Variants in TENM3 observed in about 807,000 individuals in gnomAD.
TENM3 encodes teneurin-3.
Under a neutral mutation model 255.1 loss-of-function variants are expected in TENM3, and 63 were observed. That is an observed-to-expected ratio of 0.25 (90% confidence interval 0.20 to 0.30). The LOEUF (loss-of-function observed/expected upper bound fraction) is 0.30, where lower values mean the gene tolerates loss of function less well. TENM3 is among the 10% of genes least tolerant of loss of function. TENM3 has a pLI of 1.00. For missense variants in TENM3, 2,929 were observed against 3,461.1 expected, an observed-to-expected ratio of 0.85 and a Z score of 3.86; for synonymous variants, 1,306 against 1,322.3, an observed-to-expected ratio of 0.99 and a Z score of 0.27.
chr4:182,742,719 C>G (rs1275627506), intron 18 of TENM3, among the ~76,000 whole-genome samples: 1 of 152,154 alleles, frequency 6.6e-6, no homozygotes, highest in Non-Finnish European at 1.5e-5. Context: ...GTTCTCAAAC[C>G]TGGTTGCACG....
intron 1 of TENM3, among the ~76,000 whole-genome samples, chr4:182,148,676 T>C (rs1473537360): frequency 6.6e-6 from 1 of 152,098 alleles, no homozygotes; most frequent in Non-Finnish European, 1.5e-5. Context: ...TTTCATAAGA[T>C]GGTGTAATCC....
intron 3 of TENM3, among the ~76,000 whole-genome samples, chr4:182,502,801 T>C (rs371407585): frequency 2.7e-4 from 41 of 152,162 alleles, no homozygotes; most frequent in African/African-American, 9.4e-4. Flanking sequence ...CCTTGGTTAT[T>C]CATGTGTATT....
chr4:182,693,181 T>G (rs892142646), intron 12 of TENM3, among the ~76,000 whole-genome samples: 1 of 152,230 alleles, frequency 6.6e-6, no homozygotes, highest in African/African-American at 2.4e-5. Flanking sequence ...ATGTGTCCAG[T>G]AAGCAATTAT....
intron 26 of TENM3, among the ~76,000 whole-genome samples, chr4:182,794,908 C>T (rs1005684944): frequency 6.6e-6 from 1 of 152,128 alleles, no homozygotes; most frequent in Non-Finnish European, 1.5e-5. Context: ...AACCCCTCTA[C>T]CACATTTATA....
At chr4:181,780,929 C>G in the TENM3 span, among the ~76,000 whole-genome samples, 2 of 152,058 alleles carry the variant, frequency 1.3e-5, no homozygotes, top group Admixed American at 6.6e-5. Context: ...ATCAGATGGT[C>G]ATAGGTGTGT....
the TENM3 span, among the ~76,000 whole-genome samples, chr4:181,722,912 G>T: frequency 1.3e-5 from 2 of 152,054 alleles, no homozygotes; most frequent in African/African-American, 4.8e-5. Context: ...GTGTGTAGGG[G>T]TCTAGAAGGA....
the TENM3 span, among the ~76,000 whole-genome samples, chr4:181,505,639 C>T: frequency 6.6e-6 from 1 of 152,000 alleles, no homozygotes; most frequent in Non-Finnish European, 1.5e-5. Context: ...GGCTGTGTGA[C>T]CAAGATGTTT....
chr4:181,460,943 T>C, the TENM3 span, among the ~76,000 whole-genome samples: 1 of 151,976 alleles, frequency 6.6e-6, no homozygotes, highest in Admixed American at 6.6e-5. Flanking sequence ...TTATTTTCTA[T>C]TTATTACATA....
At chr4:181,850,389 T>A in the TENM3 span, among the ~76,000 whole-genome samples, 2 of 152,132 alleles carry the variant, frequency 1.3e-5, no homozygotes, top group Non-Finnish European at 2.9e-5. Flanking sequence ...ATCAAATTTG[T>A]CTAGAAATAA....
chr4:182,302,051 C>T (rs1021841027), intron 1 of TENM3, among the ~76,000 whole-genome samples: 1 of 152,164 alleles, frequency 6.6e-6, no homozygotes, highest in Non-Finnish European at 1.5e-5. Flanking sequence ...GTTTTATCAA[C>T]CCTGCTAGCC....
the TENM3 span, among the ~76,000 whole-genome samples, chr4:181,732,888 G>A: frequency 6.6e-6 from 1 of 152,248 alleles, no homozygotes; most frequent in South Asian, 2.1e-4. Context: ...CTATTGTATA[G>A]ACGTTAATTT....
chr4:181,705,414 G>T, the TENM3 span, among the ~76,000 whole-genome samples: 1 of 152,292 alleles, frequency 6.6e-6, no homozygotes, highest in African/African-American at 2.4e-5. Flanking sequence ...GAAAGAGAAA[G>T]CTTTGGAGTC....
intron 1 of TENM3, among the ~76,000 whole-genome samples, chr4:182,255,418 G>A (rs1449149492): frequency 1.3e-5 from 2 of 152,298 alleles, no homozygotes; most frequent in East Asian, 1.9e-4. Context: ...CCTAGGACCC[G>A]CTGTCTCGTT....
chr4:181,456,148 G>GGT, the TENM3 span, among the ~76,000 whole-genome samples: 19,869 of 86,964 alleles, frequency 0.23, 1,519 homozygotes, highest in Middle Eastern at 0.38. Flanking sequence ...TGTGTGTGTA[G>GGT]GTGTGTGTGT....
chr4:181,663,849 G>A, the TENM3 span, among the ~76,000 whole-genome samples: 1 of 152,128 alleles, frequency 6.6e-6, no homozygotes, highest in Non-Finnish European at 1.5e-5. Context: ...TGCTTTTTGA[G>A]TTATCAATGC....
At chr4:181,594,300 C>A in the TENM3 span, among the ~76,000 whole-genome samples, 3 of 151,912 alleles carry the variant, frequency 2.0e-5, no homozygotes, top group African/African-American at 2.4e-5. Context: ...TTCAAAAAAA[C>A]CATAGCAATT....
chr4:181,621,186 G>T, the TENM3 span, among the ~76,000 whole-genome samples: 1 of 152,214 alleles, frequency 6.6e-6, no homozygotes, highest in African/African-American at 2.4e-5. Flanking sequence ...ATTAACAAAA[G>T]ACTCAAGAGT....
At chr4:181,717,550 A>G in the TENM3 span, among the ~76,000 whole-genome samples, 1 of 152,220 alleles carries the variant, frequency 6.6e-6, no homozygotes, top group African/African-American at 2.4e-5. Context: ...GAGGTCTTGC[A>G]GTCTAACCAA....
Position 182,793,376 on chromosome 4 carries a change from G to A in TENM3, c.6704G>A (p.Arg2235His), listed in dbSNP as rs1766254052. ...VIYRYDGLGR[R>H]VSSKTSLGQH... ...TACCGTTATGACGGCCTGGGAAGGC[G>A]TGTTTCTAGCAAAACCAGTCTAGGA... The change falls in exon 26 of 28, where the codon CGT becomes CAT. Residue 2235 changes from arginine (R) to histidine (H), a missense_variant. By Grantham distance (29) the Arg-to-His change is conservative. Around this residue, in one of 6 missense-constraint regions of TENM3, gnomAD observed 256 missense variants for 389.3 expected, o/e 0.66. Coordinates refer to ENST00000511685, the MANE Select transcript of TENM3 (RefSeq NM_001080477.4). The surrounding 1 kb of genome is among the most constrained non-coding windows in gnomAD (Gnocchi z 5.7). 3 of 1,613,808 alleles carry A rather than the reference G, an allele frequency of 1.9e-6. No homozygotes were observed. The highest frequency in any genetic ancestry group is 2.5e-6 in the Non-Finnish European group (3 of 1,179,770).
Sources: gnomAD v4.1 joint callset for allele counts (sites outside exome capture counted in the v4.1 genomes callset) on GRCh38, gnomAD v4.1.1 for gene constraint, gnomAD v4.1.1 regional missense constraint, Gnocchi (gnomAD v3.1) non-coding constraint, MANE v1.5 for transcripts, NCBI Gene and HGNC (gene_info 2026-07-23, HGNC 2026-07-21) for gene names.